The following RP1 variants were observed in gnomAD, a reference collection of about 807,000 sequenced individuals.
RP1 encodes the protein oxygen-regulated protein 1.
A neutral mutation model predicts 14.8 loss-of-function variants in RP1; 16 were observed. The ratio of observed to expected loss-of-function variants is 1.08; its 90% CI spans 0.73 to 1.65. RP1 has a LOEUF of 1.65. Among genes scored for constraint, RP1 ranks in the 40% most tolerant of loss-of-function variants. The pLI, the probability that RP1 is intolerant of heterozygous loss-of-function variation, is 0.00. For missense variants in RP1, 2,631 were observed against 2,535.0 expected, an observed-to-expected ratio of 1.04 and a Z score of -0.81; for synonymous variants, 876 against 883.6, an observed-to-expected ratio of 0.99 and a Z score of 0.15.
chr8:54,664,620 C>T (rs1048273589), intron 7 of RP1, among the ~76,000 whole-genome samples: 2 of 152,078 alleles, frequency 1.3e-5, no homozygotes, highest in African/African-American at 4.8e-5. Context: ...TTTCGATGTA[C>T]ATTTCTTTAT....
At chr8:54,808,817 T>C (rs1810919201) in intron 24 of RP1, among the ~76,000 whole-genome samples, 1 of 152,220 alleles carries the variant, frequency 6.6e-6, no homozygotes, top group South Asian at 2.1e-4. Context: ...CTCTGGAAAC[T>C]CTGACTACTA....
chr8:54,631,619 C>T (rs537082505), downstream of RP1, among the ~76,000 whole-genome samples: 1 of 151,604 alleles, frequency 6.6e-6, no homozygotes, highest in South Asian at 2.1e-4. Context: ...GGGTATCATG[C>T]CAGGATTTGA....
intron 1 of RP1, among the ~76,000 whole-genome samples, chr8:54,580,671 T>A (rs1427676379): frequency 6.7e-6 from 1 of 149,796 alleles, no homozygotes; most frequent in African/African-American, 2.5e-5. Context: ...CAGGCTGGAG[T>A]GCAGTGGCAC....
chr8:54,613,440 G>C (rs1223610791), upstream of RP1, among the ~76,000 whole-genome samples: 1 of 152,166 alleles, frequency 6.6e-6, no homozygotes, highest in East Asian at 1.9e-4. Flanking sequence ...GGCAGGCAGA[G>C]GATCATTCCT....
chr8:54,837,325 G>A (rs763205470), intron 24 of RP1: 21 of 408,758 alleles, frequency 5.1e-5, no homozygotes, highest in Non-Finnish European at 8.9e-5. Context: ...GAAGTAACTG[G>A]TTCTAAGGGA....
intron 22 of RP1, among the ~76,000 whole-genome samples, chr8:54,762,411 C>T (rs918257587): frequency 6.6e-6 from 1 of 152,076 alleles, no homozygotes; most frequent in Non-Finnish European, 1.5e-5. Context: ...TTCCTTTTTC[C>T]CTCTTCAACT....
At chr8:54,722,983 A>G (rs1808570583) in intron 16 of RP1, among the ~76,000 whole-genome samples, 1 of 152,136 alleles carries the variant, frequency 6.6e-6, no homozygotes, top group South Asian at 2.1e-4. Flanking sequence ...ACCAAACAGC[A>G]AGAGGCTCAG....
chr8:54,626,153 C>G lies in RP1; in HGVS notation c.2271C>G (p.Phe757Leu), dbSNP rs267601950. 6.2e-7 allele frequency: 1 copy of G among 1,612,256 alleles called. No individual in the cohort carries two copies. Among genetic ancestry groups the G allele is most frequent in the South Asian group, 1.1e-5 (1 of 90,864 alleles). Reference protein sequence around the residue: ...SNLNSTISKNFHRNKLNTTQN... With the variant: ...SNLNSTISKNLHRNKLNTTQN... Reference sequence around the variant, plus strand: ...TCAATTCCACGATTTCCAAGAATTTCCATAGAAATAAATTAAATACTACTC... The same window carrying G: ...TCAATTCCACGATTTCCAAGAATTTGCATAGAAATAAATTAAATACTACTC... The change falls in exon 4 of 4, where the codon TTC becomes TTG. Residue 757 changes from phenylalanine (F) to leucine (L), a missense_variant. Physicochemically the swap from Phe to Leu is conservative, Grantham distance 22. Coordinates refer to ENST00000220676, the MANE Select transcript of RP1 (RefSeq NM_006269.2).
At chr8:54,729,286 A>G (rs951107000) in intron 17 of RP1, among the ~76,000 whole-genome samples, 1 of 152,186 alleles carries the variant, frequency 6.6e-6, no homozygotes, top group African/African-American at 2.4e-5. Flanking sequence ...CAGTGCAGCC[A>G]TCCTGCCAGT....
chr8:54,653,782 T>G (rs1563338682), intron 5 of RP1, among the ~76,000 whole-genome samples: 1 of 152,224 alleles, frequency 6.6e-6, no homozygotes, highest in Non-Finnish European at 1.5e-5. Context: ...AATACTTTTA[T>G]GCTATATAGA....
At chr8:54,834,072 A>C (rs1253163657) in intron 24 of RP1, among the ~76,000 whole-genome samples, 1 of 152,100 alleles carries the variant, frequency 6.6e-6, no homozygotes, top group Non-Finnish European at 1.5e-5. Context: ...TCAAGGAGTT[A>C]AGGGTCTAGT....
chr8:54,633,074 G>A (rs375297550), downstream of RP1, among the ~76,000 whole-genome samples: 278 of 152,298 alleles, frequency 1.8e-3, no homozygotes, highest in Middle Eastern at 3.4e-3. Flanking sequence ...AATGCTTTAA[G>A]CATTGGGGCA....
chr8:54,603,726 T>G (rs930312946), intron 1 of RP1, among the ~76,000 whole-genome samples: 2 of 152,212 alleles, frequency 1.3e-5, no homozygotes, highest in Non-Finnish European at 2.9e-5. Flanking sequence ...AGCAGTGGTT[T>G]GTAGTTCTCC....
rs550860438 is a variant in RP1 at position 54,782,011 on chromosome 8, G to A, written c.3452-1536G>A. On this transcript the variant is annotated intron_variant, in intron 23 of 28. Transcript: ENST00000637698. ...AGCATGACAGCAGGCCCAGATGGCC[G>A]GGGAAGGAGATAAGGATGAGATAGG... 1.3e-4 allele frequency among the ~76,000 whole-genome samples: 20 copies of A among 152,240 alleles called. 1 individual carries two copies. The highest frequency in any genetic ancestry group is 4.6e-4 in the Admixed American group (7 of 15,292).
Position 54,627,858 on chromosome 8 carries a change from G to C in RP1, c.3976G>C (p.Ala1326Pro), listed in dbSNP as rs114797722. 9.4e-5 allele frequency: 151 copies of C among 1,614,136 alleles called. No homozygotes were observed. The African/African-American group carries it at 1.9e-3, about 20-fold the overall frequency. ...AQKENHTYEGACPIDETYVPV... is the reference protein window; with the variant it reads ...AQKENHTYEGPCPIDETYVPV... Reference sequence around the variant, plus strand: ...AAAGGAGAACCATACCTATGAGGGAGCTTGCCCAATTGATGAGACCTACGT... The same window carrying C: ...AAAGGAGAACCATACCTATGAGGGACCTTGCCCAATTGATGAGACCTACGT... The change falls in exon 4 of 4, where the codon GCT (alanine) becomes CCT (proline). Residue 1326 changes from alanine to proline, a missense_variant. Coordinates refer to ENST00000220676, the MANE Select transcript of RP1 (RefSeq NM_006269.2).
chr8:54,718,982 TA>T (rs1808472107), intron 15 of RP1, among the ~76,000 whole-genome samples: 1 of 152,206 alleles, frequency 6.6e-6, no homozygotes, highest in Admixed American at 6.6e-5. Flanking sequence ...AACCTTAATG[TA>T]TGCAAATACA....
Position 54,627,615 on chromosome 8 carries a change from T to C in RP1, c.3733T>C (p.Cys1245Arg). Reference sequence around the variant, plus strand: ...TGGAGGTTGCTCTGCCAGTGAGGCATGTGCCCCTGAAGTCTGTGTTTTGGA... The same window carrying C: ...TGGAGGTTGCTCTGCCAGTGAGGCACGTGCCCCTGAAGTCTGTGTTTTGGA... Reference protein sequence around the residue: ...LDGGCSASEACAPEVCVLEVT... With the variant: ...LDGGCSASEARAPEVCVLEVT... The change falls in exon 4 of 4, where the codon TGT (cysteine) becomes CGT (arginine). Residue 1245 changes from cysteine to arginine, a missense_variant. Transcript: ENST00000220676. 1.2e-6 allele frequency: 2 copies of C among 1,614,220 alleles called. No homozygotes were observed. Among genetic ancestry groups the C allele is most frequent in the Non-Finnish European group, 1.7e-6 (2 of 1,179,994 alleles).
At chr8:54,608,136 C>T (rs1230541142) in intron 1 of RP1, among the ~76,000 whole-genome samples, 2 of 151,660 alleles carry the variant, frequency 1.3e-5, no homozygotes, top group Non-Finnish European at 2.9e-5. Context: ...CTGTGTTGCT[C>T]ACACTGGGAG....
chr8:54,630,631 T>C lies in RP1; in HGVS notation c.*278T>C. The C allele has an allele frequency of 2.5e-6, 3 of 1,205,278 alleles. No homozygotes were observed. The highest frequency in any genetic ancestry group is 4.3e-5 in the Admixed American group (1 of 23,118). 74.7% of individuals were successfully genotyped at this position (1,205,278 alleles called of 1,614,324 possible). On this transcript the variant is annotated 3_prime_UTR_variant, in exon 4 of 4. Coordinates refer to ENST00000220676, the MANE Select transcript of RP1 (RefSeq NM_006269.2). ...TTTTTTTTTGGTATCTATGATTTTT[T>C]TTGCTCAGGGCATCAAAATGTGCTA...
Sources: allele counts gnomAD v4.1 joint callset (sites outside exome capture counted in the v4.1 genomes callset), GRCh38; gene constraint gnomAD v4.1.1; transcripts MANE v1.5; gene names NCBI Gene and HGNC (gene_info 2026-07-23, HGNC 2026-07-21).